Variants in ACER1 observed in about 807,000 individuals in gnomAD.
The protein encoded by ACER1 is CTB-180A7.3.
In ACER1, 28 loss-of-function variants were observed where a neutral mutation model predicts 24.9. The observed-to-expected ratio is 1.13, with a 90% CI of 0.83 to 1.54. ACER1 has a LOEUF of 1.54. ACER1 is among the 40% of genes most tolerant of loss of function. The pLI is 0.00. For synonymous variants in ACER1, 132 were observed against 131.4 expected, an observed-to-expected ratio of 1.00 and a Z score of -0.03; for missense variants, 352 against 349.3, an observed-to-expected ratio of 1.01 and a Z score of -0.06.
Position 6,309,770 on chromosome 19 carries a change from G to A in ACER1, c.415C>T (p.Pro139Ser), listed in dbSNP as rs1568307944. 2 of 1,614,134 alleles carry A rather than the reference G, an allele frequency of 1.2e-6. No individual in the cohort carries two copies. Among genetic ancestry groups the A allele is most frequent in the Non-Finnish European group, 1.7e-6 (2 of 1,180,018 alleles). Residue 139 changes from proline to serine, a missense_variant, in exon 4 of 6, where the codon CCC becomes TCC. Physicochemically the swap from Pro to Ser is moderately conservative, Grantham distance 74. Transcript: ENST00000301452. ...VVSTLLSFLR[P>S]TVNAYALNSI... is the part of the protein sequence containing the mutation. ...TTGAGGGCGTAGGCGTTGACCGTGG[G>A]CCGCAGGAAGGACAGAAGGGTGCTG...
chr19:6,323,544 C>T (rs144966088), intron 1 of ACER1, among the ~76,000 whole-genome samples: 2,479 of 152,300 alleles, frequency 0.016, 32 homozygotes, highest in Non-Finnish European at 0.022. Context: ...ATTGTGAGGC[C>T]TCCCCAGCCA....
intron 1 of ACER1, among the ~76,000 whole-genome samples, chr19:6,321,145 T>C (rs1214644415): frequency 6.6e-6 from 1 of 152,042 alleles, no homozygotes; most frequent in Non-Finnish European, 1.5e-5. Flanking sequence ...TCTTTCTTTT[T>C]TTTTTTTTGA....
chr19:6,352,813 C>T, the ACER1 span, among the ~76,000 whole-genome samples: 6 of 152,226 alleles, frequency 3.9e-5, no homozygotes, highest in Non-Finnish European at 7.3e-5. Context: ...CTCTTCAGCA[C>T]TGAGAGTTTC....
At chr19:6,352,635 T>A in the ACER1 span, among the ~76,000 whole-genome samples, 2 of 152,234 alleles carry the variant, frequency 1.3e-5, no homozygotes, top group Non-Finnish European at 2.9e-5. Context: ...ATAAGCTACT[T>A]TGGGGTCAAA....
chr19:6,349,869 G>C, the ACER1 span, among the ~76,000 whole-genome samples: 3 of 152,100 alleles, frequency 2.0e-5, no homozygotes, highest in African/African-American at 7.2e-5. Flanking sequence ...GGTGGTTGGC[G>C]CCTGTAATCC....
chr19:6,353,652 C>A, the ACER1 span, among the ~76,000 whole-genome samples: 1 of 150,946 alleles, frequency 6.6e-6, no homozygotes, highest in African/African-American at 2.4e-5. Context: ...ATGCTGAAAC[C>A]CCATCTCTAC....
At chr19:6,349,803 C>T in the ACER1 span, among the ~76,000 whole-genome samples, 9 of 152,222 alleles carry the variant, frequency 5.9e-5, no homozygotes, top group East Asian at 1.4e-3. Flanking sequence ...GCTCACCATA[C>T]ATCCCTTGGC....
intron 1 of ACER1, among the ~76,000 whole-genome samples, chr19:6,328,716 G>C (rs1260390057): frequency 6.6e-6 from 1 of 151,620 alleles, no homozygotes; most frequent in Non-Finnish European, 1.5e-5. Flanking sequence ...GCACAGGCTG[G>C]AGTGCAGTGG....
At chr19:6,353,918 A>C in the ACER1 span, among the ~76,000 whole-genome samples, 1 of 151,960 alleles carries the variant, frequency 6.6e-6, no homozygotes, top group Non-Finnish European at 1.5e-5. Flanking sequence ...GTGATGGCTC[A>C]CACCTGTAAT....
the ACER1 span, among the ~76,000 whole-genome samples, chr19:6,350,046 G>C: frequency 6.6e-6 from 1 of 152,006 alleles, no homozygotes; most frequent in Non-Finnish European, 1.5e-5. Flanking sequence ...CAGGAGGATC[G>C]CTTGAGTCCA....
intron 1 of ACER1, among the ~76,000 whole-genome samples, chr19:6,315,246 G>T (rs8113765): frequency 6.6e-6 from 1 of 150,884 alleles, no homozygotes; most frequent in Non-Finnish European, 1.5e-5. Flanking sequence ...CTCTGTTGCC[G>T]AGGCTGGAAT....
At position 6,333,537 on chromosome 19, in the gene ACER1, G is replaced by T. The variant is rs866601862; in HGVS notation, c.15C>A (p.Phe5Leu). 1 of 1,584,248 alleles carries T rather than the reference G, an allele frequency of 6.3e-7. No homozygotes were observed. The highest frequency in any genetic ancestry group is 1.3e-5 in the African/African-American group (1 of 74,548). MPSIFAYQSSEVDWC... is the reference protein window; with the variant it reads MPSILAYQSSEVDWC... ...AGTCCACCTCGGAGCTCTGATAGGC[G>T]AAGATGCTAGGCATCTTGTCTCAGT... Residue 5 changes from phenylalanine to leucine, a missense_variant, in exon 1 of 6, where the codon TTC becomes TTA. By Grantham distance (22) the Phe-to-Leu change is conservative. Coordinates refer to ENST00000301452, the MANE Select transcript of ACER1 (RefSeq NM_133492.3).
intron 4 of ACER1, among the ~76,000 whole-genome samples, chr19:6,307,566 T>C (rs2091558226): frequency 6.6e-6 from 1 of 151,358 alleles, no homozygotes. Context: ...GGAGGATCGC[T>C]TGAGCCCTGG....
the ACER1 span, among the ~76,000 whole-genome samples, chr19:6,349,062 G>A: frequency 7.3e-5 from 11 of 150,670 alleles, no homozygotes; most frequent in South Asian, 1.0e-3. Flanking sequence ...TCAAGAAGAA[G>A]AAGGAGAAGA....
chr19:6,337,460 T>TC (rs1491104281), upstream of ACER1, among the ~76,000 whole-genome samples: 64 of 144,040 alleles, frequency 4.4e-4, no homozygotes, highest in African/African-American at 1.5e-3. Flanking sequence ...CCTTTTTTTT[T>TC]CTTTTTTTTT....
the ACER1 span, among the ~76,000 whole-genome samples, chr19:6,347,109 A>AAAAAAAAT: frequency 3.6e-4 from 41 of 113,770 alleles, 1 homozygote; most frequent in African/African-American, 1.8e-3. Flanking sequence ...AAAAAAAAAA[A>AAAAAAAAT]ATATATATAT....
At chr19:6,307,360 C>G in intron 4 of ACER1, 70 bp from the exon 5 acceptor site, 2 of 1,562,868 alleles carry the variant, frequency 1.3e-6, no homozygotes, top group Non-Finnish European at 1.7e-6. Context: ...TGGGAAATTC[C>G]TCCTTCCACA....
chr19:6,334,197 G>A (rs961196882), upstream of ACER1, among the ~76,000 whole-genome samples: 5 of 150,518 alleles, frequency 3.3e-5, no homozygotes, highest in African/African-American at 9.8e-5. Flanking sequence ...GGCGCCCACC[G>A]CCACGACCGG....
chr19:6,322,726 C>T (rs1305150782), intron 1 of ACER1, among the ~76,000 whole-genome samples: 1 of 152,182 alleles, frequency 6.6e-6, no homozygotes, highest in East Asian at 1.9e-4. Flanking sequence ...GTAACTCCCA[C>T]AATTCCCGTG....
Sources: gnomAD v4.1 joint callset for allele counts (sites outside exome capture counted in the v4.1 genomes callset) on GRCh38, gnomAD v4.1.1 for gene constraint, MANE v1.5 for transcripts, NCBI Gene and HGNC (gene_info 2026-07-23, HGNC 2026-07-21) for gene names.